CLTC: variants seen among roughly 807,000 people sequenced by gnomAD.
The protein encoded by CLTC is clathrin heavy chain, also known as clathrin heavy chain 1.
CLTC carries 16 observed loss-of-function variants against 195.8 expected under a neutral mutation model. That is an observed-to-expected ratio of 0.08 (90% CI 0.06 to 0.12). CLTC has a LOEUF of 0.12. Among genes scored for constraint, CLTC ranks in the 10% least tolerant of loss-of-function variants. CLTC has a pLI of 1.00. For synonymous variants in CLTC, 667 were observed against 689.4 expected, an observed-to-expected ratio of 0.97 and a Z score of 0.51; for missense variants, 796 against 2,027.0, an observed-to-expected ratio of 0.39 and a Z score of 11.66.
Position 59,685,544 on chromosome 17 carries a change from T to C in CLTC, c.4606-43T>C. 6.7e-7 allele frequency: 1 copy of C among 1,500,980 alleles called. No individual in the cohort carries two copies. The highest frequency in any genetic ancestry group is 1.1e-5 in the South Asian group (1 of 87,290). The allele number at this position is 1,500,980 out of a possible 1,614,324, so 93.0% of individuals were successfully genotyped here. ...TTTTTCTTGGTTTACTAGTTCAGTA[T>C]GTGGGGTCTAATGTTTTTGACTTTC... On this transcript the variant is annotated intron_variant, in intron 29 of 31. Coordinates refer to ENST00000269122, the MANE Select transcript of CLTC (RefSeq NM_004859.4). The surrounding 1 kb of genome is among the most constrained non-coding windows in gnomAD (Gnocchi z 5.0).
chr17:59,624,389 C>T (rs2031478137), intron 1 of CLTC, among the ~76,000 whole-genome samples: 2 of 149,322 alleles, frequency 1.3e-5, no homozygotes, highest in Non-Finnish European at 3.0e-5. Context: ...GTAGACAGAA[C>T]AGGGAGGGCT....
chr17:59,679,615 A>C (rs1235287661), intron 18 of CLTC, 96 bp downstream of exon 18: 4 of 1,105,934 alleles, frequency 3.6e-6, no homozygotes, highest in Non-Finnish European at 4.9e-6. Context: ...CAAATGGATC[A>C]TATATAACTA....
At chr17:59,689,012 T>C (rs1342224689) in intron 30 of CLTC, 1 of 152,230 alleles carries the variant, frequency 6.6e-6, no homozygotes, top group East Asian at 1.9e-4. Flanking sequence ...ATTTTTGTTC[T>C]AAGTGTGGAT....
At position 59,677,115 on chromosome 17, in the gene CLTC, A is replaced by T; in HGVS notation, c.2723A>T (p.Tyr908Phe). 1 of 1,614,104 alleles carries T rather than the reference A, an allele frequency of 6.2e-7. No individual in the cohort carries two copies. The highest frequency in any genetic ancestry group is 8.5e-7 in the Non-Finnish European group (1 of 1,180,000). Reference sequence around the variant, plus strand: ...TATGACAGTCGCGTTGTTGGAAAGTATTGTGAGAAGAGAGATCCACATCTG... The same window carrying T: ...TATGACAGTCGCGTTGTTGGAAAGTTTTGTGAGAAGAGAGATCCACATCTG... ...PYYDSRVVGK[Y>F]CEKRDPHLAC... Residue 908 changes from tyrosine to phenylalanine, a missense_variant, in exon 17 of 32, where the codon TAT becomes TTT. Physicochemically the swap from Tyr to Phe is conservative, Grantham distance 22 (BLOSUM62 3). Around this residue, in one of 9 missense-constraint regions of CLTC, gnomAD observed 160 missense variants for 448.2 expected, o/e 0.36. Transcript: ENST00000269122.
Position 59,681,189 on chromosome 17 carries a change from T to C in CLTC, c.3066-106T>C, listed in dbSNP as rs529947353. On this transcript the variant is annotated intron_variant, in intron 19 of 31. Coordinates refer to ENST00000269122, the MANE Select transcript of CLTC (RefSeq NM_004859.4). The surrounding 1 kb of genome is among the most constrained non-coding windows in gnomAD (Gnocchi z 5.0). ...CTCACTCTTCTAATATCCTCCCCCC[T>C]ACCCTACCTCTTGAGACAAAAACCT... The C allele has an allele frequency of 6.9e-7, 1 of 1,440,334 alleles. No individual in the cohort carries two copies. The highest frequency in any genetic ancestry group is 1.4e-5 in the African/African-American group (1 of 70,244). 89.2% of individuals were successfully genotyped at this position (1,440,334 alleles called of 1,614,324 possible).
At position 59,666,864 on chromosome 17, in the gene CLTC, C is replaced by T. The variant is rs2032744196; in HGVS notation, c.2015C>T (p.Ser672Phe). 1 of 1,613,882 alleles carries T rather than the reference C, an allele frequency of 6.2e-7. No homozygotes were observed. Among genetic ancestry groups the T allele is most frequent in the Non-Finnish European group, 8.5e-7 (1 of 1,179,932 alleles). The change falls in exon 13 of 32, where the codon TCT becomes TTT. Residue 672 changes from serine to phenylalanine, a missense_variant. Physicochemically the swap from Ser to Phe is radical, Grantham distance 155. Coordinates refer to ENST00000269122, the MANE Select transcript of CLTC (RefSeq NM_004859.4). The surrounding 1 kb of genome is among the most constrained non-coding windows in gnomAD (Gnocchi z 4.9). ...CTAGAATGTCTCAGAGCCATGCTGT[C>T]TGCCAACATCCGTCAGAATCTGCAG... ...DSLECLRAMLSANIRQNLQIC... is the reference protein window; with the variant it reads ...DSLECLRAMLFANIRQNLQIC...
chr17:59,684,302 A>G (rs911084868), intron 28 of CLTC: 17 of 213,286 alleles, frequency 8.0e-5, no homozygotes, highest in African/African-American at 3.3e-4. Context: ...GGTATTAACT[A>G]TATTTATTCA....
intron 1 of CLTC, among the ~76,000 whole-genome samples, chr17:59,624,764 T>A (rs1180803788): frequency 5.3e-5 from 8 of 151,830 alleles, no homozygotes; most frequent in Non-Finnish European, 1.5e-5. Flanking sequence ...CTGCTGCTCC[T>A]GGCCTCATAT....
chr17:59,663,373 G>C (rs1263854254), intron 8 of CLTC, among the ~76,000 whole-genome samples: 1 of 152,118 alleles, frequency 6.6e-6, no homozygotes, highest in African/African-American at 2.4e-5. Flanking sequence ...ACATATATAG[G>C]TTACACTGTG....
In CLTC at chr17:59,685,949, T is replaced by A. The variant is rs191126485; in HGVS notation, c.4827+141T>A. On this transcript the variant is annotated intron_variant, in intron 30 of 31. Transcript: ENST00000269122. This position sits in a 1 kb window ranked among gnomAD's most constrained non-coding sequence, Gnocchi z 5.0. The stretch of plus-strand genomic sequence containing the variant: ...ATAAAATATTCCTGTTCTTTTGAAA[T>A]TTTTTTTTAATAGCTGACAAATGAC... The A allele has an allele frequency of 1.2e-3, 751 of 607,522 alleles. 5 individuals are homozygous for A. The African/African-American group carries it at 0.013, about 10-fold the overall frequency. The allele number at this position is 607,522 out of a possible 1,614,324, so 37.6% of individuals were successfully genotyped here. A position where few individuals can be genotyped will look rare whatever the true frequency, so the allele number is the denominator to read the frequency against.
rs577264340 is a variant in CLTC at position 59,642,016 on chromosome 17, T to C, written c.43-2260T>C. Among the ~76,000 whole-genome samples, 13 of 151,594 alleles carry C rather than the reference T, an allele frequency of 8.6e-5. No individual in the cohort carries two copies. The East Asian group carries it at 1.9e-3, about 23-fold the overall frequency. ...TCTTTGTTGTTTTTTTTTTTTTTTT[T>C]TTTTTTTACAAGTAAAATACCCTGA... On this transcript the variant is annotated intron_variant, in intron 1 of 31. Transcript: ENST00000269122.
At chr17:59,690,738 A>T (rs200367944) in intron 31 of CLTC, 27 bp downstream of exon 31, 1 of 1,524,412 alleles carries the variant, frequency 6.6e-7, no homozygotes, top group East Asian at 2.3e-5. Context: ...ACCTCAAAAA[A>T]TTCATTAGAC....
intron 6 of CLTC, among the ~76,000 whole-genome samples, chr17:59,658,201 T>A (rs1433897840): frequency 1.3e-5 from 2 of 151,698 alleles, no homozygotes; most frequent in Admixed American, 6.6e-5. Flanking sequence ...AGACTCCGTC[T>A]CAAAAAAAAA....
chr17:59,645,928 G>T (rs1181862863), intron 2 of CLTC: 1 of 290,412 alleles, frequency 3.4e-6, no homozygotes, highest in African/African-American at 2.3e-5. Flanking sequence ...CTATTAAAAG[G>T]CCATCATTTT....
chr17:59,627,300 C>T (rs1245102263), intron 1 of CLTC, among the ~76,000 whole-genome samples: 6 of 152,278 alleles, frequency 3.9e-5, no homozygotes, highest in South Asian at 4.1e-4. Context: ...GCACCTATTA[C>T]GTGCCAAGAA....
At chr17:59,643,132 G>GTGTGT (rs1555602771) in intron 1 of CLTC, among the ~76,000 whole-genome samples, 1 of 142,234 alleles carries the variant, frequency 7.0e-6, no homozygotes, top group African/African-American at 2.8e-5. Context: ...TCTTTTCTGG[G>GTGTGT]GTGTGTGTGT....
chr17:59,647,363 T>C, intron 2 of CLTC, 35 bp from the exon 3 acceptor site: 1 of 1,554,998 alleles, frequency 6.4e-7, no homozygotes, highest in Non-Finnish European at 8.8e-7. Context: ...AACTTTACTC[T>C]TTTAATGATT....
At chr17:59,629,684 C>A (rs1158494003) in intron 1 of CLTC, among the ~76,000 whole-genome samples, 1 of 151,938 alleles carries the variant, frequency 6.6e-6, no homozygotes, top group East Asian at 1.9e-4. Context: ...CCATGCCTGG[C>A]TGATTTTTGT....
intron 14 of CLTC, among the ~76,000 whole-genome samples, chr17:59,672,208 G>A (rs1216283890): frequency 6.6e-6 from 1 of 152,040 alleles, no homozygotes; most frequent in Non-Finnish European, 1.5e-5. Flanking sequence ...TTTCTACCAT[G>A]TATAAAATCA....
Sources: gnomAD v4.1 joint callset for allele counts (sites outside exome capture counted in the v4.1 genomes callset) on GRCh38, gnomAD v4.1.1 for gene constraint, gnomAD v4.1.1 regional missense constraint, Gnocchi (gnomAD v3.1) non-coding constraint, MANE v1.5 for transcripts, NCBI Gene and HGNC (gene_info 2026-07-23, HGNC 2026-07-21) for gene names.